The following CERT1 variants were observed in gnomAD, a reference collection of about 807,000 sequenced individuals.
The protein encoded by CERT1 is ceramide transfer protein.
A neutral mutation model predicts 87.9 loss-of-function variants in CERT1; 31 were observed. The ratio of observed to expected loss-of-function variants is 0.35; its 90% CI spans 0.27 to 0.48. CERT1 has a LOEUF of 0.48. Ranked by LOEUF, CERT1 falls within the 20% of genes least tolerant of loss-of-function variation. The probability of loss-of-function intolerance (pLI) is 0.99; values close to 1 mark genes in which losing one functional copy is unlikely to be tolerated. For synonymous variants in CERT1, 289 were observed against 250.9 expected, an observed-to-expected ratio of 1.15 and a Z score of -1.44; for missense variants, 487 against 758.0, an observed-to-expected ratio of 0.64 and a Z score of 4.20.
intron 8 of CERT1, among the ~76,000 whole-genome samples, chr5:75,404,959 T>C (rs1762645538): frequency 6.6e-6 from 1 of 152,054 alleles, no homozygotes; most frequent in Admixed American, 6.6e-5. Context: ...GAGGTTGCAG[T>C]GAGCCAAGAT....
chr5:75,503,872 TTTG>T (rs1767511090), intron 2 of CERT1, among the ~76,000 whole-genome samples: 1 of 45,452 alleles, frequency 2.2e-5, no homozygotes, highest in Non-Finnish European at 5.0e-5. Context: ...ATTTAAATTT[TTTG>T]TTTAATTTAA....
chr5:75,453,318 G>A (rs375901827), intron 3 of CERT1, among the ~76,000 whole-genome samples: 9 of 152,006 alleles, frequency 5.9e-5, no homozygotes, highest in East Asian at 1.9e-4. Flanking sequence ...AAAAATTTGC[G>A]TGCCCAATGC....
chr5:75,386,937 G>T (rs901437178), intron 12 of CERT1, among the ~76,000 whole-genome samples: 1 of 152,040 alleles, frequency 6.6e-6, no homozygotes, highest in Non-Finnish European at 1.5e-5. Context: ...GCGCCGTCTC[G>T]GCTCACTGCA....
chr5:75,435,273 T>G (rs895691710), intron 3 of CERT1, among the ~76,000 whole-genome samples: 2 of 152,256 alleles, frequency 1.3e-5, no homozygotes, highest in Admixed American at 1.3e-4. Context: ...GAATTTTTCA[T>G]TTCCAGAAGT....
At chr5:75,400,399 C>T (rs571725901) in intron 9 of CERT1, 102 bp from the exon 10 acceptor site, 31 of 737,806 alleles carry the variant, frequency 4.2e-5, no homozygotes, top group African/African-American at 2.3e-4. Flanking sequence ...ACTTAGTGAA[C>T]GCCTTAGTGC....
intron 11 of CERT1, among the ~76,000 whole-genome samples, chr5:75,396,901 T>G (rs1175437816): frequency 6.6e-6 from 1 of 152,208 alleles, no homozygotes; most frequent in East Asian, 1.9e-4. Flanking sequence ...TACTATAATT[T>G]TACACTGTGT....
chr5:75,393,483 C>A (rs1375235440), intron 11 of CERT1, among the ~76,000 whole-genome samples: 4 of 149,764 alleles, frequency 2.7e-5, no homozygotes, highest in Admixed American at 6.7e-5. Flanking sequence ...TTTGATAGTA[C>A]AATAAAAGTC....
At chr5:75,376,768 G>C (rs576816312), downstream of CERT1, 1 of 152,026 alleles carries the variant, frequency 6.6e-6, no homozygotes, top group East Asian at 1.9e-4. Context: ...CTTTTTCCTG[G>C]GATAAAGCTA....
intron 11 of CERT1, among the ~76,000 whole-genome samples, chr5:75,390,673 A>G (rs1157187849): frequency 6.6e-6 from 1 of 152,166 alleles, no homozygotes; most frequent in Non-Finnish European, 1.5e-5. Flanking sequence ...GAAGAGCTGG[A>G]AGATATATAT....
chr5:75,431,611 T>C (rs1202165027), intron 3 of CERT1, among the ~76,000 whole-genome samples: 2 of 152,222 alleles, frequency 1.3e-5, no homozygotes, highest in Non-Finnish European at 2.9e-5. Flanking sequence ...AGCTCCATGA[T>C]TTGGCCCATG....
intron 11 of CERT1, among the ~76,000 whole-genome samples, chr5:75,390,122 T>C (rs1761969970): frequency 6.6e-6 from 1 of 152,154 alleles, no homozygotes; most frequent in Non-Finnish European, 1.5e-5. Flanking sequence ...AGGTCTGGTA[T>C]GAACAAAGAC....
downstream of CERT1, chr5:75,375,624 A>C (rs1028283628): frequency 4.4e-4 from 61 of 138,626 alleles, no homozygotes; most frequent in African/African-American, 1.7e-3. Flanking sequence ...TAAATAAATA[A>C]ATAAATAAAA....
intron 8 of CERT1, among the ~76,000 whole-genome samples, chr5:75,404,916 A>G (rs1255027335): frequency 6.6e-6 from 1 of 152,122 alleles, no homozygotes; most frequent in African/African-American, 2.4e-5. Flanking sequence ...AGGAGGCACA[A>G]TAATTGCTTG....
Position 75,379,082 on chromosome 5 carries a change from C to T in CERT1, c.*264G>A. The T allele has an allele frequency of 3.2e-6, 1 of 312,436 alleles. No homozygotes were observed. The highest frequency in any genetic ancestry group is 6.2e-5 in the East Asian group (1 of 16,200). The allele number at this position is 312,436 out of a possible 1,614,324, so 19.4% of individuals were successfully genotyped here. A position where few individuals can be genotyped will look rare whatever the true frequency, so the allele number is the denominator to read the frequency against. ...TGGGGACTCCCAGCTACTGGGAAGG[C>T]TGAGATGAGAGGATTGTTTGAGGCC... On this transcript the variant is annotated 3_prime_UTR_variant, in exon 17 of 17. Coordinates refer to ENST00000643780, the MANE Select transcript of CERT1 (RefSeq NM_001379029.1).
At chr5:75,457,731 G>A (rs970214773) in intron 3 of CERT1, among the ~76,000 whole-genome samples, 1 of 151,946 alleles carries the variant, frequency 6.6e-6, no homozygotes, top group Non-Finnish European at 1.5e-5. Context: ...TGAAATCTCA[G>A]GTGAGACTGG....
At chr5:75,408,475 C>G (rs34822454) in intron 8 of CERT1, among the ~76,000 whole-genome samples, 119 of 152,106 alleles carry the variant, frequency 7.8e-4, no homozygotes, top group Middle Eastern at 3.4e-3. Context: ...GTTATTGGGC[C>G]GTGAGAAATA....
intron 3 of CERT1, among the ~76,000 whole-genome samples, chr5:75,440,658 C>T (rs1764285699): frequency 6.6e-6 from 1 of 152,046 alleles, no homozygotes; most frequent in African/African-American, 2.4e-5. Context: ...GCCTATCATA[C>T]ACCCTAGTTC....
At chr5:75,431,436 A>G (rs919832992) in intron 3 of CERT1, among the ~76,000 whole-genome samples, 1 of 152,212 alleles carries the variant, frequency 6.6e-6, no homozygotes, top group South Asian at 2.1e-4. Context: ...TCCAGCAGGC[A>G]GAGGGAGCTC....
intron 12 of CERT1, among the ~76,000 whole-genome samples, chr5:75,388,635 T>C (rs1163093093): frequency 1.5e-5 from 2 of 133,628 alleles, no homozygotes; most frequent in East Asian, 4.4e-4. Context: ...TATATATATA[T>C]ATATATCTCA....
Sources: allele counts gnomAD v4.1 joint callset (sites outside exome capture counted in the v4.1 genomes callset), GRCh38; gene constraint gnomAD v4.1.1; transcripts MANE v1.5; gene names NCBI Gene and HGNC (gene_info 2026-07-23, HGNC 2026-07-21).